The following FAM153A variants were observed in gnomAD, a reference collection of about 807,000 sequenced individuals.
FAM153A encodes family with sequence similarity 153 member A, also known as protein FAM153A.
FAM153A carries 12 observed loss-of-function variants against 48.1 expected under a neutral mutation model. That is an observed-to-expected ratio of 0.25 (90% CI 0.16 to 0.40). The LOEUF (loss-of-function observed/expected upper bound fraction) is 0.40. Among genes scored for constraint, FAM153A ranks in the 10% least tolerant of loss-of-function variants. FAM153A has a pLI of 1.00. For missense variants in FAM153A, 111 were observed against 345.8 expected (o/e 0.32, Z 5.38); for synonymous variants, 36 against 118.2 (o/e 0.30, Z 4.51).
chr5:177,710,204 C>T (rs1279533390), downstream of FAM153A, among the ~76,000 whole-genome samples: 2 of 151,326 alleles, frequency 1.3e-5, no homozygotes, highest in Non-Finnish European at 2.9e-5. Flanking sequence ...CCTTCTCCTC[C>T]TGGGTTCGAG....
In FAM153A at chr5:177,769,379, A is replaced by G. The variant is rs867271034; in HGVS notation, c.-57+11070T>C. On this transcript the variant is annotated intron_variant, in intron 1 of 8. Coordinates refer to the FAM153A transcript ENST00000393518. ...ACATTAAATATTATCATGGTTATGT[A>G]TGTGTAGGAAAAACCAGTGGGTGAT... is the stretch of plus-strand genomic sequence containing the variant. 2.6e-4 allele frequency among the ~76,000 whole-genome samples: 25 copies of G among 96,106 alleles called. 5 individuals are homozygous for G. The highest frequency in any genetic ancestry group is 5.4e-3 in the Middle Eastern group (1 of 184). The allele number at this position is 96,106 out of a possible 152,430, so 63.0% of individuals were successfully genotyped here.
At chr5:177,696,190 G>A in the FAM153A span, among the ~76,000 whole-genome samples, 5 of 135,286 alleles carry the variant, frequency 3.7e-5, no homozygotes, top group African/African-American at 5.6e-5. Flanking sequence ...TAGATGGGGC[G>A]GCCGGGCAGA....
chr5:177,743,201 GTTTTGTTT>G (rs541956778), intron 6 of FAM153A, among the ~76,000 whole-genome samples: 33,467 of 86,094 alleles, frequency 0.39, 4,426 homozygotes, highest in South Asian at 0.52. Flanking sequence ...TTTTTTTTTT[GTTTTGTTT>G]TTTTTTTTTT....
the FAM153A span, among the ~76,000 whole-genome samples, chr5:177,701,763 G>A: frequency 2.0e-5 from 3 of 151,790 alleles, no homozygotes; most frequent in African/African-American, 4.9e-5. Flanking sequence ...CTCAGAAAAC[G>A]ACAGGAAGAT....
downstream of FAM153A, among the ~76,000 whole-genome samples, chr5:177,708,955 A>AG (rs1758102441): frequency 1.3e-5 from 2 of 150,232 alleles, no homozygotes; most frequent in Admixed American, 1.3e-4. Context: ...ATTAGACGGG[A>AG]GTGGTGGTGG....
upstream of FAM153A, among the ~76,000 whole-genome samples, chr5:177,781,264 A>ATTTTTTTT (rs1303137176): frequency 7.6e-3 from 568 of 75,228 alleles, no homozygotes; most frequent in African/African-American, 0.012. Flanking sequence ...ACGCCCGGCT[A>ATTTTTTTT]TTTTTTTTTT....
At chr5:177,710,277 T>C (rs889459497), downstream of FAM153A, among the ~76,000 whole-genome samples, 1 of 151,466 alleles carries the variant, frequency 6.6e-6, no homozygotes, top group African/African-American at 2.4e-5. Context: ...CACACCCAGC[T>C]AATTTTTTAT....
chr5:177,713,446 A>T lies in FAM153A; in HGVS notation c.*1392-276T>A, dbSNP rs188114562. Among the ~76,000 whole-genome samples, 1,337 of 150,360 alleles carry T rather than the reference A, an allele frequency of 8.9e-3. 44 individuals are homozygous for T. Among genetic ancestry groups the T allele is most frequent in the African/African-American group, 0.03 (1,223 of 40,576 alleles). On this transcript the variant is annotated intron_variant and NMD_transcript_variant, in intron 26 of 26. Coordinates refer to the FAM153A transcript ENST00000360669. ...TTTTTTTTTTGTATTTTTAGTAGAGATGGGGTTTCACCGTGTTAGCCAGGA... is the reference window on the plus strand; with the variant it reads ...TTTTTTTTTTGTATTTTTAGTAGAGTTGGGGTTTCACCGTGTTAGCCAGGA...
At chr5:177,739,123 G>A (rs982420809) in exon 10 of FAM153A, 1 of 1,612,886 alleles carries the variant, frequency 6.2e-7, no homozygotes, top group South Asian at 1.1e-5. Flanking sequence ...CGTTGGTTTG[G>A]GTGCCTGCGT....
chr5:177,699,065 A>C, the FAM153A span, among the ~76,000 whole-genome samples: 1 of 151,780 alleles, frequency 6.6e-6, no homozygotes, highest in Non-Finnish European at 1.5e-5. Flanking sequence ...CATCCCAAGT[A>C]GCTGGGTCTA....
downstream of FAM153A, among the ~76,000 whole-genome samples, chr5:177,702,997 A>G (rs4046140): frequency 0.014 from 2,103 of 151,988 alleles, 93 homozygotes; most frequent in African/African-American, 0.049. Context: ...GGAAATGTGG[A>G]GTTGGATTTC....
chr5:177,714,092 C>G (rs1205197024), intron 25 of FAM153A: 6 of 151,686 alleles, frequency 4.0e-5, no homozygotes, highest in Non-Finnish European at 7.4e-5. Context: ...TGACATGCAT[C>G]TGGTTCATCA....
chr5:177,701,564 AAAAT>A, the FAM153A span, among the ~76,000 whole-genome samples: 2 of 147,682 alleles, frequency 1.4e-5, no homozygotes, highest in South Asian at 2.2e-4. Flanking sequence ...GACTGTCTCA[AAAAT>A]AAATAGATAA....
downstream of FAM153A, among the ~76,000 whole-genome samples, chr5:177,709,685 T>TG (rs1582116825): frequency 1.4e-5 from 2 of 142,636 alleles, no homozygotes; most frequent in Non-Finnish European, 3.1e-5. Context: ...TTTTTTTTTT[T>TG]TTTTGACCAA....
chr5:177,721,404 C>CT (rs1318615427), downstream of FAM153A, among the ~76,000 whole-genome samples: 1 of 92,548 alleles, frequency 1.1e-5, no homozygotes, highest in African/African-American at 4.2e-5. Flanking sequence ...GAGCTGGTGG[C>CT]TAAGGATTCA....
chr5:177,782,799 G>A (rs1769814506), upstream of FAM153A: 2 of 74,846 alleles, frequency 2.7e-5, no homozygotes, highest in Admixed American at 1.6e-4. Flanking sequence ...CTTCAGCAGC[G>A]ACACTGGCGG....
chr5:177,782,346 C>G (rs1352518975), upstream of FAM153A: 35 of 247,580 alleles, frequency 1.4e-4, no homozygotes, highest in Non-Finnish European at 2.6e-4. Context: ...TGCTGCCTGT[C>G]CCCGGCTTCC....
At chr5:177,701,019 T>C in the FAM153A span, among the ~76,000 whole-genome samples, 3 of 151,842 alleles carry the variant, frequency 2.0e-5, no homozygotes, top group African/African-American at 7.3e-5. Context: ...CATTTTCTCA[T>C]GAATGGTTTA....
chr5:177,756,611 AAGAAC>A (rs1170452825), upstream of FAM153A, among the ~76,000 whole-genome samples: 2 of 151,756 alleles, frequency 1.3e-5, no homozygotes, highest in East Asian at 1.9e-4. Flanking sequence ...GCAAATGTAA[AAGAAC>A]AGAAGTTATA....
Sources: gnomAD v4.1 joint callset for allele counts (sites outside exome capture counted in the v4.1 genomes callset) on GRCh38, gnomAD v4.1.1 for gene constraint, MANE v1.5 for transcripts, NCBI Gene and HGNC (gene_info 2026-07-23, HGNC 2026-07-21) for gene names.